Variants in GLRX5 observed in about 807,000 individuals in gnomAD.
GLRX5 encodes glutaredoxin 5.
Under a neutral mutation model 13.8 loss-of-function variants are expected in GLRX5, and 10 were observed. The ratio of observed to expected loss-of-function variants is 0.72; its 90% CI spans 0.45 to 1.23. The LOEUF (loss-of-function observed/expected upper bound fraction) is 1.23, where lower values mean the gene tolerates loss of function less well. Ranked by LOEUF, GLRX5 falls within the 50% of genes most tolerant of loss-of-function variation. GLRX5 has a pLI of 0.00. For missense variants in GLRX5, 233 were observed against 215.2 expected (o/e 1.08, Z -0.52); for synonymous variants, 98 against 101.1 (o/e 0.97, Z 0.18).
intron 1 of GLRX5, among the ~76,000 whole-genome samples, chr14:95,542,794 A>G (rs1891492759): frequency 6.6e-6 from 1 of 152,214 alleles, no homozygotes; most frequent in African/African-American, 2.4e-5. Flanking sequence ...CCATGCTTTG[A>G]CCATCTTCGT....
chr14:95,538,876 A>G (rs1891425556), intron 1 of GLRX5, among the ~76,000 whole-genome samples: 1 of 152,220 alleles, frequency 6.6e-6, no homozygotes, highest in Non-Finnish European at 1.5e-5. Context: ...TACGAAGTAG[A>G]CTGGATTTGG....
At chr14:95,539,895 ATATTT>A (rs1251810712) in intron 1 of GLRX5, among the ~76,000 whole-genome samples, 1 of 40,084 alleles carries the variant, frequency 2.5e-5, no homozygotes, top group African/African-American at 6.3e-5. Flanking sequence ...ATATATATAT[ATATTT>A]TTTTTTTTTT....
chr14:95,538,431 G>T (rs1460988950), intron 1 of GLRX5, among the ~76,000 whole-genome samples: 2 of 152,218 alleles, frequency 1.3e-5, no homozygotes, highest in Non-Finnish European at 2.9e-5. Context: ...TTAAGCATTT[G>T]AAAATACGCT....
In GLRX5 at chr14:95,544,053, G is replaced by C. The variant is rs1386823633; in HGVS notation, c.402G>C (p.Leu134Phe). The C allele has an allele frequency of 1.2e-6, 2 of 1,614,104 alleles. No individual in the cohort carries two copies. The highest frequency in any genetic ancestry group is 2.2e-5 in the South Asian group (2 of 91,076). Residue 134 changes from leucine to phenylalanine, a missense_variant, in exon 2 of 2, where the codon TTG becomes TTC. Coordinates refer to ENST00000331334, the MANE Select transcript of GLRX5 (RefSeq NM_016417.3). ...ILLQMHQNGD[L>F]VEELKKLGIH... ...TGCAGATGCACCAGAATGGGGACTT[G>C]GTGGAAGAACTGAAAAAGCTGGGGA...
In GLRX5 at chr14:95,535,070, G is replaced by A. The variant is rs1393254072; in HGVS notation, c.-20G>A. ...CAGCTGTGGGCCCGGGCCGTCGTGG[G>A]CTCCGGCTTGCGTGCGGAGATGAGC... On this transcript the variant is annotated 5_prime_UTR_variant, in exon 1 of 2. Coordinates refer to ENST00000331334, the MANE Select transcript of GLRX5 (RefSeq NM_016417.3). 2 of 1,336,978 alleles carry A rather than the reference G, an allele frequency of 1.5e-6. No individual in the cohort carries two copies. Among genetic ancestry groups the A allele is most frequent in the Admixed American group, 2.8e-5 (1 of 35,788 alleles). 82.8% of individuals were successfully genotyped at this position (1,336,978 alleles called of 1,614,324 possible). A position where few individuals can be genotyped will look rare whatever the true frequency, so the allele number is the denominator to read the frequency against.
chr14:95,543,694 T>C, intron 1 of GLRX5: 1 of 494,078 alleles, frequency 2.0e-6, no homozygotes, highest in East Asian at 3.6e-5. Flanking sequence ...GAGATGAGGG[T>C]GGAAACAGGA....
intron 1 of GLRX5, among the ~76,000 whole-genome samples, chr14:95,542,381 G>T (rs1413860698): frequency 6.6e-6 from 1 of 152,168 alleles, no homozygotes. Context: ...TGTCCTTTTG[G>T]AGGCCTAGAG....
At position 95,535,366 on chromosome 14, in the gene GLRX5, G is replaced by C. The variant is rs1190559373; in HGVS notation, c.277G>C (p.Asp93His). ...TTACGCGGCCTACAACGTGCTGGACGACCCGGAGCTCCGACAAGGTCAGGC... is the reference window on the plus strand; with the variant it reads ...TTACGCGGCCTACAACGTGCTGGACCACCCGGAGCTCCGACAAGGTCAGGC... ...RDYAAYNVLD[D>H]PELRQGIKDY... Residue 93 changes from aspartate to histidine, a missense_variant, in exon 1 of 2, where the codon GAC becomes CAC. Asp to His is a moderately conservative substitution (Grantham distance 81). Coordinates refer to ENST00000331334, the MANE Select transcript of GLRX5 (RefSeq NM_016417.3). The C allele has an allele frequency of 1.3e-6, 2 of 1,551,366 alleles. No individual in the cohort carries two copies. Among genetic ancestry groups the C allele is most frequent in the South Asian group, 2.4e-5 (2 of 84,182 alleles).
chr14:95,536,534 G>A (rs1452039163), intron 1 of GLRX5, among the ~76,000 whole-genome samples: 2 of 152,214 alleles, frequency 1.3e-5, no homozygotes, highest in Non-Finnish European at 2.9e-5. Flanking sequence ...ACAGGCTGGT[G>A]TTTGGAAAAG....
intron 1 of GLRX5, among the ~76,000 whole-genome samples, chr14:95,536,356 A>G (rs1370856206): frequency 6.6e-6 from 1 of 152,226 alleles, no homozygotes. Context: ...TTTTCCTTCT[A>G]GAGAGTGACT....
At chr14:95,542,798 T>A (rs557374603) in intron 1 of GLRX5, among the ~76,000 whole-genome samples, 47 of 152,248 alleles carry the variant, frequency 3.1e-4, no homozygotes, top group Non-Finnish European at 5.6e-4. Context: ...GCTTTGACCA[T>A]CTTCGTTTTT....
At chr14:95,537,839 GGT>G (rs1175625097) in intron 1 of GLRX5, among the ~76,000 whole-genome samples, 1 of 152,222 alleles carries the variant, frequency 6.6e-6, no homozygotes, top group African/African-American at 2.4e-5. Flanking sequence ...AAGGAACAAA[GGT>G]GACTATGAGG....
rs369677958 is a variant in GLRX5, at chr14:95,542,523, A to G, written c.296-1424A>G. ...TAAGGCAATAACTTTTAAGAAAAAA[A>G]TAAATAGTATATTGGGACTTGTGAT... On this transcript the variant is annotated intron_variant, in intron 1 of 1. Coordinates refer to ENST00000331334, the MANE Select transcript of GLRX5 (RefSeq NM_016417.3). 3.3e-5 allele frequency among the ~76,000 whole-genome samples: 5 copies of G among 152,358 alleles called. No individual in the cohort carries two copies. In the East Asian group the frequency reaches 5.8e-4, roughly 18 times the overall value.
intron 1 of GLRX5, chr14:95,543,469 GA>G: frequency 3.2e-6 from 1 of 316,298 alleles, no homozygotes; most frequent in Non-Finnish European, 6.2e-6. Flanking sequence ...GAATTACCGT[GA>G]TGGATCCATT....
intron 1 of GLRX5, among the ~76,000 whole-genome samples, chr14:95,536,041 C>G (rs548198178): frequency 6.6e-6 from 1 of 152,170 alleles, no homozygotes; most frequent in Non-Finnish European, 1.5e-5. Flanking sequence ...TTTAGATACT[C>G]AAGCACAGGG....
chr14:95,539,896 TA>T (rs151127623), intron 1 of GLRX5, among the ~76,000 whole-genome samples: 3,554 of 35,234 alleles, frequency 0.1, 81 homozygotes, highest in African/African-American at 0.18. Flanking sequence ...TATATATATA[TA>T]TTTTTTTTTT....
At chr14:95,535,828 G>A (rs375248482) in intron 1 of GLRX5, among the ~76,000 whole-genome samples, 1 of 152,162 alleles carries the variant, frequency 6.6e-6, no homozygotes, top group Non-Finnish European at 1.5e-5. Flanking sequence ...GCCTACTCGT[G>A]GGTAAGGTCT....
Position 95,535,117 on chromosome 14 carries a change from G to GCGGCT in GLRX5, c.30_34dup (p.Leu12ArgfsTer40). Reference sequence around the variant, plus strand: ...GAGCGGGTCCCTCGGCCGAGCTGCGGCGGCTCTGCTCCGCTGGGGGCGCGG... The same window carrying GCGGCT: ...GAGCGGGTCCCTCGGCCGAGCTGCGGCGGCTCGGCTCTGCTCCGCTGGGGGCGCGG... On this transcript the variant is annotated frameshift_variant, in exon 1 of 2. Transcript: ENST00000331334. LOFTEE classifies it high-confidence loss of function. 1 of 1,308,462 alleles carries GCGGCT rather than the reference G, an allele frequency of 7.6e-7. No homozygotes were observed. The highest frequency in any genetic ancestry group is 9.8e-7 in the Non-Finnish European group (1 of 1,015,702). The allele number at this position is 1,308,462 out of a possible 1,614,324, so 81.1% of individuals were successfully genotyped here.
chr14:95,542,394 A>G (rs1254962628), intron 1 of GLRX5, among the ~76,000 whole-genome samples: 1 of 152,232 alleles, frequency 6.6e-6, no homozygotes, highest in Non-Finnish European at 1.5e-5. Context: ...GCCTAGAGCA[A>G]TGTAACCCTT....
Sources: gnomAD v4.1 joint callset for allele counts (sites outside exome capture counted in the v4.1 genomes callset) on GRCh38, gnomAD v4.1.1 for gene constraint, MANE v1.5 for transcripts, NCBI Gene and HGNC (gene_info 2026-07-23, HGNC 2026-07-21) for gene names.